SGPL1: variants seen among roughly 807,000 people sequenced by gnomAD.
SGPL1 encodes SP-lyase 1.
Under a neutral mutation model 68.9 loss-of-function variants are expected in SGPL1, and 37 were observed. That is an observed-to-expected ratio of 0.54 (90% CI 0.41 to 0.71). The LOEUF (loss-of-function observed/expected upper bound fraction) is 0.71, where lower values mean the gene tolerates loss of function less well. Ranked by LOEUF, SGPL1 falls within the 30% of genes least tolerant of loss-of-function variation. The pLI is 0.00. For missense variants in SGPL1, 551 were observed against 704.6 expected, an observed-to-expected ratio of 0.78 and a Z score of 2.47; for synonymous variants, 236 against 248.5, an observed-to-expected ratio of 0.95 and a Z score of 0.47.
At chr10:70,826,730 T>G in intron 2 of SGPL1, among the ~76,000 whole-genome samples, 1 of 152,230 alleles carries the variant, frequency 6.6e-6, no homozygotes, top group East Asian at 1.9e-4. Context: ...TAACCACCTG[T>G]GTATGCATCC....
At chr10:70,849,605 G>A (rs1345618771) in intron 3 of SGPL1, among the ~76,000 whole-genome samples, 5 of 152,224 alleles carry the variant, frequency 3.3e-5, no homozygotes, top group African/African-American at 1.2e-4. Context: ...GAGGGATGCA[G>A]CTGAAGCAAA....
intron 2 of SGPL1, among the ~76,000 whole-genome samples, chr10:70,840,182 C>T (rs143724016): frequency 7.8e-4 from 118 of 152,210 alleles, no homozygotes; most frequent in African/African-American, 2.8e-3. Context: ...TACTGAAAAT[C>T]AAGATTTGAA....
At chr10:70,853,510 C>T (rs969266820) in intron 4 of SGPL1, among the ~76,000 whole-genome samples, 1 of 152,106 alleles carries the variant, frequency 6.6e-6, no homozygotes, top group African/African-American at 2.4e-5. Context: ...TTTTTTTTCC[C>T]TCAGCACTTT....
chr10:70,860,420 AAT>A, intron 7 of SGPL1: 1 of 469,086 alleles, frequency 2.1e-6, no homozygotes, highest in Non-Finnish European at 4.4e-6. Context: ...TTGTTTTTCT[AAT>A]ATGTTGGCGC....
chr10:70,853,865 G>C (rs767335702), intron 4 of SGPL1, among the ~76,000 whole-genome samples: 34 of 152,318 alleles, frequency 2.2e-4, no homozygotes, highest in Middle Eastern at 3.4e-3. Context: ...GCAGTTCTTA[G>C]AATGCCTTGT....
In SGPL1 at chr10:70,876,648, A is replaced by C; in HGVS notation, c.1553A>C (p.Lys518Thr). 5.6e-6 allele frequency: 9 copies of C among 1,613,014 alleles called. No homozygotes were observed. The highest frequency in any genetic ancestry group is 7.6e-6 in the Non-Finnish European group (9 of 1,179,646). The change falls in exon 14 of 15, where the codon AAG becomes ACG. Residue 518 changes from lysine to threonine, a missense_variant. By Grantham distance (78) the Lys-to-Thr change is moderately conservative (BLOSUM62 -1). Coordinates refer to ENST00000373202, the MANE Select transcript of SGPL1 (RefSeq NM_003901.4). ...CAAATCATGAAGAATCCTAAAGCGA[A>C]GACCACAGGAATGGTAGGGACACTT... is the stretch of plus-strand genomic sequence containing the variant. ...VTQIMKNPKA[K>T]TTGMGAIYGM...
chr10:70,848,764 A>T (rs965712301), intron 3 of SGPL1, among the ~76,000 whole-genome samples: 4 of 152,120 alleles, frequency 2.6e-5, no homozygotes, highest in African/African-American at 9.7e-5. Context: ...ACCTGGCCTC[A>T]TGTACCTTTT....
At chr10:70,827,402 T>A (rs1303273277) in intron 2 of SGPL1, among the ~76,000 whole-genome samples, 1 of 152,236 alleles carries the variant, frequency 6.6e-6, no homozygotes, top group East Asian at 1.9e-4. Flanking sequence ...GTATATTTGC[T>A]GAGATTTTGT....
At chr10:70,821,119 T>C (rs1845331391) in intron 2 of SGPL1, among the ~76,000 whole-genome samples, 1 of 152,200 alleles carries the variant, frequency 6.6e-6, no homozygotes, top group South Asian at 2.1e-4. Context: ...CCTTTTTCCA[T>C]TTGCTCGTAT....
intron 6 of SGPL1, 31 bp downstream of exon 6, chr10:70,857,721 G>A (rs573914482): frequency 6.6e-7 from 1 of 1,508,370 alleles, no homozygotes; most frequent in African/African-American, 1.4e-5. Context: ...GGAAGCCTGT[G>A]AGGTCTGTGC....
intron 2 of SGPL1, among the ~76,000 whole-genome samples, chr10:70,833,338 T>C (rs1338760880): frequency 6.6e-6 from 1 of 152,202 alleles, no homozygotes; most frequent in African/African-American, 2.4e-5. Context: ...TTGACTCACA[T>C]AGTGGAATTT....
intron 10 of SGPL1, among the ~76,000 whole-genome samples, chr10:70,871,406 T>C (rs971291895): frequency 2.6e-4 from 40 of 152,182 alleles, no homozygotes; most frequent in African/African-American, 8.9e-4. Context: ...GCCTTCTAGA[T>C]TGAGATCTGG....
intron 2 of SGPL1, 47 bp downstream of exon 2, chr10:70,816,927 G>GT (rs1845243185): frequency 1.9e-6 from 3 of 1,587,992 alleles, no homozygotes; most frequent in Non-Finnish European, 1.7e-6. Flanking sequence ...ATTTGTCTCC[G>GT]TTTTTTTAGT....
intron 5 of SGPL1, among the ~76,000 whole-genome samples, chr10:70,855,134 A>G (rs11597530): frequency 0.056 from 8,524 of 152,328 alleles, 281 homozygotes; most frequent in Non-Finnish European, 0.064. Flanking sequence ...AGAAGAGAGA[A>G]TATAAGATAT....
chr10:70,875,903 G>C (rs1038393286), intron 13 of SGPL1, among the ~76,000 whole-genome samples: 2 of 152,088 alleles, frequency 1.3e-5, no homozygotes, highest in Non-Finnish European at 2.9e-5. Flanking sequence ...ATCTTCCTGG[G>C]GGTCTCTAAT....
Position 70,880,356 on chromosome 10 carries a change from G to C in SGPL1, c.*3021G>C, listed in dbSNP as rs1846478867. 1 of 152,232 alleles carries C rather than the reference G, an allele frequency of 6.6e-6. No homozygotes were observed. The highest frequency in any genetic ancestry group is 1.5e-5 in the Non-Finnish European group (1 of 68,032). The allele number at this position is 152,232 out of a possible 1,614,324, so 9.4% of individuals were successfully genotyped here. On this transcript the variant is annotated 3_prime_UTR_variant, in exon 15 of 15. Transcript: ENST00000373202. Reference sequence around the variant, plus strand: ...AGCAGTGGTAGTCGTACCTATTTCAGAGAGGTCTGAAATTCAGGTTCTTAG... The same window carrying C: ...AGCAGTGGTAGTCGTACCTATTTCACAGAGGTCTGAAATTCAGGTTCTTAG...
chr10:70,835,459 C>T (rs972706558), intron 2 of SGPL1, among the ~76,000 whole-genome samples: 2 of 152,164 alleles, frequency 1.3e-5, no homozygotes, highest in Admixed American at 6.5e-5. Context: ...AAGAAGAGGC[C>T]GGGTGCGGTG....
chr10:70,829,255 T>G (rs567844778), intron 2 of SGPL1, among the ~76,000 whole-genome samples: 1 of 152,274 alleles, frequency 6.6e-6, no homozygotes, highest in East Asian at 1.9e-4. Flanking sequence ...TTTAATAGAT[T>G]GTTGAAGATT....
chr10:70,817,004 C>G, intron 2 of SGPL1, 124 bp downstream of exon 2: 1 of 986,634 alleles, frequency 1.0e-6, no homozygotes, highest in Non-Finnish European at 1.6e-6. Context: ...GTTTTGCCAC[C>G]TTTTATTTTG....
Sources: allele counts gnomAD v4.1 joint callset (sites outside exome capture counted in the v4.1 genomes callset), GRCh38; gene constraint gnomAD v4.1.1; transcripts MANE v1.5; gene names NCBI Gene and HGNC (gene_info 2026-07-23, HGNC 2026-07-21).